Variants in CDHR4 observed in about 807,000 individuals in gnomAD.
CDHR4 encodes cadherin related family member 4.
A neutral mutation model predicts 88.4 loss-of-function variants in CDHR4; 89 were observed. The ratio of observed to expected loss-of-function variants is 1.01; its 90% confidence interval spans 0.85 to 1.20. The LOEUF (loss-of-function observed/expected upper bound fraction) is 1.20, where lower values mean the gene tolerates loss of function less well. Ranked by LOEUF, CDHR4 falls within the 50% of genes most tolerant of loss-of-function variation. The probability of loss-of-function intolerance (pLI) is 0.00; values close to 1 mark genes in which losing one functional copy is unlikely to be tolerated. For missense variants in CDHR4, 914 were observed against 1,007.2 expected (o/e 0.91, Z 1.25); for synonymous variants, 368 against 399.2 (o/e 0.92, Z 0.93).
At position 49,799,314 on chromosome 3, in the gene CDHR4, A is replaced by G; in HGVS notation, c.173T>C (p.Val58Ala). ...GTTGAAGAAGGTGGTGGGTGGCTGG[A>G]CATTGAGCAACTCCAGGGTGGGTGT... ...TPTPTLELLN[V>A]QPPTTFFNPP... Residue 58 changes from valine (V) to alanine (A), a missense_variant, in exon 2 of 19, where the codon GTC (valine) becomes GCC (alanine). Val to Ala is a moderately conservative substitution (Grantham distance 64). Transcript: ENST00000412678. 1 of 1,613,982 alleles carries G rather than the reference A, an allele frequency of 6.2e-7. No homozygotes were observed. Among genetic ancestry groups the G allele is most frequent in the South Asian group, 1.1e-5 (1 of 91,064 alleles).
chr3:49,792,469 C>T lies in CDHR4; in HGVS notation c.2137G>A (p.Gly713Arg), dbSNP rs2081194467. ...GGAGCACAAGGATAGGATCCCTACCCCTGGAGGAGCCTGCCAAGAAGCCAG... is the reference window on the plus strand; with the variant it reads ...GGAGCACAAGGATAGGATCCCTACCTCTGGAGGAGCCTGCCAAGAAGCCAG... ...LGWLLGRLLQ[G>R]LAQLLQAPSK... The change falls in exon 15 of 19, where the codon GGG becomes AGG. Residue 713 changes from glycine (G) to arginine (R), a missense_variant and splice_region_variant. By Grantham distance (125) the Gly-to-Arg change is moderately radical. Coordinates refer to ENST00000412678, the MANE Select transcript of CDHR4 (RefSeq NM_001007540.4). The T allele has an allele frequency of 6.4e-7, 1 of 1,551,446 alleles. No homozygotes were observed. Among genetic ancestry groups the T allele is most frequent in the Non-Finnish European group, 8.7e-7 (1 of 1,146,924 alleles).
rs756701544 is a variant in CDHR4 at position 49,793,890 on chromosome 3, C to A, written c.1396G>T (p.Val466Leu). ...TGAGGGTAATCCATATCCGTGCCCA[C>A]CACGGAGCCCAGTAGAGTGTGGGGC... Reference protein sequence around the residue: ...AAPHTLLGSVVGTDMDYPHDN... With the variant: ...AAPHTLLGSVLGTDMDYPHDN... The change falls in exon 11 of 19, where the codon GTG (valine) becomes TTG (leucine). Residue 466 changes from valine to leucine, a missense_variant. Val to Leu is a conservative substitution (Grantham distance 32). Coordinates refer to ENST00000412678, the MANE Select transcript of CDHR4 (RefSeq NM_001007540.4). The A allele has an allele frequency of 4.5e-6, 7 of 1,551,650 alleles. No homozygotes were observed. The highest frequency in any genetic ancestry group is 5.2e-6 in the Non-Finnish European group (6 of 1,146,996).
At chr3:49,793,347 C>T (rs2081212478) in intron 12 of CDHR4, 36 bp from the exon 13 acceptor site, 1 of 1,546,196 alleles carries the variant, frequency 6.5e-7, no homozygotes, top group South Asian at 1.2e-5. Context: ...TGGGTGGAAC[C>T]CACCCCCTAA....
intron 10 of CDHR4, 110 bp downstream of exon 10, chr3:49,794,498 C>T: frequency 4.7e-6 from 4 of 859,682 alleles, no homozygotes; most frequent in Non-Finnish European, 7.2e-6. Flanking sequence ...ATGGTGACAA[C>T]CCTGCCCTAC....
chr3:49,800,911 G>A (rs1553614273), upstream of CDHR4, among the ~76,000 whole-genome samples: 2 of 151,200 alleles, frequency 1.3e-5, no homozygotes, highest in Non-Finnish European at 2.9e-5. Flanking sequence ...AATTAGCTGA[G>A]TGTGGTGGCA....
At chr3:49,793,389 C>T in intron 12 of CDHR4, 78 bp from the exon 13 acceptor site, 1 of 1,503,314 alleles carries the variant, frequency 6.7e-7, no homozygotes, top group East Asian at 2.5e-5. Context: ...CTTCTTCTCA[C>T]CACAGCCGTA....
intron 16 of CDHR4, 39 bp downstream of exon 16, chr3:49,791,864 A>C: frequency 1.9e-6 from 3 of 1,551,566 alleles, no homozygotes; most frequent in Non-Finnish European, 2.6e-6. Flanking sequence ...AGTTTAAGAG[A>C]TGGGATCCCA....
In CDHR4 at chr3:49,799,077, T is replaced by C. The variant is rs765461546; in HGVS notation, c.320A>G (p.Asn107Ser). ...AGAGAGTGAGCCCTCCATCACATGG[T>C]TGCCACATGTGAACTTCAGCTGCAC... Reference protein sequence around the residue: ...YKVQLKFTCGNHVMEGSLSVD... With the variant: ...YKVQLKFTCGSHVMEGSLSVD... The change falls in exon 3 of 19, where the codon AAC becomes AGC. Residue 107 changes from asparagine to serine, a missense_variant. By Grantham distance (46) the Asn-to-Ser change is conservative. Coordinates refer to ENST00000412678, the MANE Select transcript of CDHR4 (RefSeq NM_001007540.4). 1.2e-5 allele frequency: 19 copies of C among 1,582,602 alleles called. No homozygotes were observed. The East Asian group carries it at 3.9e-4, about 33-fold the overall frequency.
chr3:49,799,485 C>T (rs569471944), intron 1 of CDHR4, 48 bp from the exon 2 acceptor site: 212 of 1,526,914 alleles, frequency 1.4e-4, no homozygotes, highest in Non-Finnish European at 1.8e-4. Context: ...GCTGATGGAA[C>T]CACACATACT....
upstream of CDHR4, among the ~76,000 whole-genome samples, chr3:49,801,595 T>G (rs1240565390): frequency 6.6e-6 from 1 of 152,212 alleles, no homozygotes; most frequent in Non-Finnish European, 1.5e-5. Flanking sequence ...AAATGATCAT[T>G]GGATTTTCCT....
At chr3:49,798,277 T>C (rs373241119) in intron 4 of CDHR4, 1 of 148,328 alleles carries the variant, frequency 6.7e-6, no homozygotes, top group South Asian at 2.2e-4. Flanking sequence ...TGAGAACACA[T>C]AGCAGATCTT....
At position 49,799,452 on chromosome 3, in the gene CDHR4, G is replaced by T. The variant is rs778094184; in HGVS notation, c.50-15C>A. ...GCTGCAGAGGTCTGTGAAGAGCAGAGAATTCAGGCTGGAGGCCCCCAGGCT... is the reference window on the plus strand; with the variant it reads ...GCTGCAGAGGTCTGTGAAGAGCAGATAATTCAGGCTGGAGGCCCCCAGGCT... On this transcript the variant is annotated splice_polypyrimidine_tract_variant and intron_variant, in intron 1 of 18. Transcript: ENST00000412678. 1.8e-5 allele frequency: 28 copies of T among 1,579,154 alleles called. No individual in the cohort carries two copies. In the South Asian group the frequency reaches 2.7e-4, roughly 15 times the overall value.
Position 49,792,458 on chromosome 3 carries a change from G to A in CDHR4, c.2138+10C>T. On this transcript the variant is annotated intron_variant, in intron 15 of 18. Coordinates refer to ENST00000412678, the MANE Select transcript of CDHR4 (RefSeq NM_001007540.4). ...GGGGCAAGTAGGGAGCACAAGGATAGGATCCCTACCCCTGGAGGAGCCTGC... is the reference window on the plus strand; with the variant it reads ...GGGGCAAGTAGGGAGCACAAGGATAAGATCCCTACCCCTGGAGGAGCCTGC... 6.4e-7 allele frequency: 1 copy of A among 1,551,396 alleles called. No individual in the cohort carries two copies. Among genetic ancestry groups the A allele is most frequent in the Admixed American group, 2.0e-5 (1 of 50,976 alleles).
rs1437833011 is a variant in CDHR4 at position 49,795,771 on chromosome 3, C to CA, written c.711-8dup. The stretch of plus-strand genomic sequence containing the variant: ...GATATTCTGAGCCTGCTCGCTGGAC[C>CA]AAAAGGGGGGCACTGGTTCCTGCCC... On this transcript the variant is annotated splice_region_variant and splice_polypyrimidine_tract_variant and intron_variant, in intron 6 of 18. Transcript: ENST00000412678. The surrounding 1 kb of genome is among the most constrained non-coding windows in gnomAD (Gnocchi z 5.4). The CA allele has an allele frequency of 2.6e-6, 4 of 1,551,624 alleles. No individual in the cohort carries two copies. Among genetic ancestry groups the CA allele is most frequent in the African/African-American group, 1.4e-5 (1 of 73,158 alleles).
In CDHR4 at chr3:49,795,842, C is replaced by T; in HGVS notation, c.711-78G>A. 1 of 1,533,648 alleles carries T rather than the reference C, an allele frequency of 6.5e-7. No homozygotes were observed. Among genetic ancestry groups the T allele is most frequent in the Non-Finnish European group, 8.8e-7 (1 of 1,136,118 alleles). ...TCCACAGCTTCCTTCCCTGGGCCCCCTCCTGTCAGGGCTGGGACTCAGCTC... is the reference window on the plus strand; with the variant it reads ...TCCACAGCTTCCTTCCCTGGGCCCCTTCCTGTCAGGGCTGGGACTCAGCTC... On this transcript the variant is annotated intron_variant, in intron 6 of 18. Coordinates refer to ENST00000412678, the MANE Select transcript of CDHR4 (RefSeq NM_001007540.4). This position sits in a 1 kb window ranked among gnomAD's most constrained non-coding sequence, Gnocchi z 5.4.
At chr3:49,792,775 T>A (rs2081200584) in intron 14 of CDHR4, 79 bp downstream of exon 14, 1 of 1,461,620 alleles carries the variant, frequency 6.8e-7, no homozygotes, top group Non-Finnish European at 9.1e-7. Flanking sequence ...TCCCCATAGT[T>A]CCACCTGAAA....
chr3:49,801,224 T>C (rs1487502049), upstream of CDHR4, among the ~76,000 whole-genome samples: 1 of 152,234 alleles, frequency 6.6e-6, no homozygotes, highest in Admixed American at 6.5e-5. Flanking sequence ...TCACCCTCAC[T>C]GCCTAGGCAG....
chr3:49,797,682 A>G (rs1394816817), intron 4 of CDHR4, among the ~76,000 whole-genome samples: 1 of 151,854 alleles, frequency 6.6e-6, no homozygotes, highest in Non-Finnish European at 1.5e-5. Flanking sequence ...GGGTTTCGCC[A>G]TGTTGGCCAG....
chr3:49,798,783 C>T (rs1429778561), intron 4 of CDHR4, 43 bp downstream of exon 4: 1 of 1,583,198 alleles, frequency 6.3e-7, no homozygotes, highest in African/African-American at 1.3e-5. Flanking sequence ...CTCCATCCCC[C>T]CACCCCCATC....
Sources: gnomAD v4.1 joint callset for allele counts (sites outside exome capture counted in the v4.1 genomes callset) on GRCh38, gnomAD v4.1.1 for gene constraint, Gnocchi (gnomAD v3.1) non-coding constraint, MANE v1.5 for transcripts, NCBI Gene and HGNC (gene_info 2026-07-23, HGNC 2026-07-21) for gene names.